SHTN1: variants seen among roughly 807,000 people sequenced by gnomAD.
SHTN1 encodes shootin-1.
In SHTN1, 42 loss-of-function variants were observed where a neutral mutation model predicts 83.1. The observed-to-expected ratio is 0.51, with a 90% CI of 0.39 to 0.65. SHTN1 has a LOEUF of 0.65. Ranked by LOEUF, SHTN1 falls within the 30% of genes least tolerant of loss-of-function variation. The pLI, the probability that SHTN1 is intolerant of heterozygous loss-of-function variation, is 0.00. For missense variants in SHTN1, 622 were observed against 737.8 expected (o/e 0.84, Z 1.82); for synonymous variants, 224 against 247.7 (o/e 0.90, Z 0.90).
At chr10:117,112,364 C>T (rs953569140) in intron 1 of SHTN1, among the ~76,000 whole-genome samples, 2 of 152,202 alleles carry the variant, frequency 1.3e-5, no homozygotes, top group Admixed American at 6.5e-5. Flanking sequence ...ATTTATGCAT[C>T]TTTTCCTACA....
At chr10:117,114,443 T>G (rs1853814383) in intron 1 of SHTN1, among the ~76,000 whole-genome samples, 1 of 152,132 alleles carries the variant, frequency 6.6e-6, no homozygotes, top group Non-Finnish European at 1.5e-5. Context: ...AGATAAAATA[T>G]GCAAGGGACA....
At chr10:116,900,617 A>G in intron 16 of SHTN1, 1 of 1,526,452 alleles carries the variant, frequency 6.6e-7, no homozygotes, top group Non-Finnish European at 8.8e-7. Context: ...GTCTCAGCCA[A>G]ATTGCTTTTG....
At chr10:116,994,541 G>GA (rs1043311569) in intron 1 of SHTN1, among the ~76,000 whole-genome samples, 1 of 151,834 alleles carries the variant, frequency 6.6e-6, no homozygotes, top group African/African-American at 2.4e-5. Flanking sequence ...AGGGGAAGGG[G>GA]AGATTCTGTG....
intron 2 of SHTN1, among the ~76,000 whole-genome samples, chr10:116,977,275 C>G (rs1037305245): frequency 3.9e-5 from 6 of 152,152 alleles, no homozygotes; most frequent in African/African-American, 1.4e-4. Context: ...CCTTCTTTCT[C>G]TATTATATGA....
At position 116,886,467 on chromosome 10, in the gene SHTN1, T is replaced by A; in HGVS notation, c.1773A>T (p.Gln591His). 1 of 1,614,046 alleles carries A rather than the reference T, an allele frequency of 6.2e-7. No homozygotes were observed. Among genetic ancestry groups the A allele is most frequent in the South Asian group, 1.1e-5 (1 of 91,056 alleles). Residue 591 changes from glutamine (Q) to histidine (H), a missense_variant, in exon 17 of 17, where the codon CAA becomes CAT. This residue lies in a region of SHTN1 where 231 missense variants were observed against 251.6 expected (regional missense o/e 0.92). Coordinates refer to ENST00000355371, the MANE Select transcript of SHTN1 (RefSeq NM_001127211.3). ...VLDPVSTHEP[Q>H]TKDQVAEKDP... ...CTTTTTCAGCAACCTGGTCTTTGGT[T>A]TGGGGTTCATGTGTAGAAACAGGAT...
At chr10:116,962,488 G>C (rs1850217175) in intron 3 of SHTN1, among the ~76,000 whole-genome samples, 2 of 151,928 alleles carry the variant, frequency 1.3e-5, no homozygotes, top group South Asian at 4.1e-4. Flanking sequence ...CCACAATCTG[G>C]TATTTCCACT....
chr10:116,895,086 C>T (rs1847470089), intron 16 of SHTN1, among the ~76,000 whole-genome samples: 1 of 152,104 alleles, frequency 6.6e-6, no homozygotes, highest in Non-Finnish European at 1.5e-5. Context: ...AAAGTGGATA[C>T]AATAATAAAA....
In SHTN1 at chr10:117,053,019, C is replaced by CAAAAAAAA. The variant is rs57069034; in HGVS notation, c.-188-4517_-188-4510dup. Among the ~76,000 whole-genome samples, 25 of 11,480 alleles carry CAAAAAAAA rather than the reference C, an allele frequency of 2.2e-3. 6 individuals carry two copies. The highest frequency in any genetic ancestry group is 3.7e-3 in the Non-Finnish European group (6 of 1,642). The allele number at this position is 11,480 out of a possible 152,430, so 7.5% of individuals were successfully genotyped here. A position where few individuals can be genotyped will look rare whatever the true frequency, so the allele number is the denominator to read the frequency against. On this transcript the variant is annotated intron_variant, in intron 1 of 17. Transcript: ENST00000392901. ...TGGGCAACAGAGCAAGACTGTGTCT[C>CAAAAAAAA]AAAAAAAAAAAGAATTAAGAATTAA...
intron 15 of SHTN1, among the ~76,000 whole-genome samples, chr10:116,906,322 C>T (rs543295163): frequency 6.6e-6 from 1 of 152,312 alleles, no homozygotes; most frequent in South Asian, 2.1e-4. Flanking sequence ...AGAGCCTGTA[C>T]TTGATGCTAT....
In SHTN1 at chr10:116,952,920, A is replaced by T. The variant is rs144342566; in HGVS notation, c.437-914T>A. Among the ~76,000 whole-genome samples, 568 of 152,328 alleles carry T rather than the reference A, an allele frequency of 3.7e-3. 4 individuals carry two copies. Among genetic ancestry groups the T allele is most frequent in the African/African-American group, 0.013 (538 of 41,580 alleles). On this transcript the variant is annotated intron_variant, in intron 5 of 16. Transcript: ENST00000355371. ...TTTCTCCATTTGCTGGCTAATCCAG[A>T]AAGAAGAACATGAAACCATATTGTT... is the stretch of plus-strand genomic sequence containing the variant.
intron 3 of SHTN1, 162 bp from the exon 4 acceptor site, chr10:116,960,392 T>C (rs1850143271): frequency 4.0e-6 from 2 of 495,022 alleles, no homozygotes; most frequent in East Asian, 5.9e-5. Flanking sequence ...TGATTAAATC[T>C]GAGCTAATAT....
At position 116,927,821 on chromosome 10, in the gene SHTN1, T is replaced by A; in HGVS notation, c.1083A>T (p.Pro361=). The A allele has an allele frequency of 1.3e-6, 2 of 1,599,156 alleles. No individual in the cohort carries two copies. Among genetic ancestry groups the A allele is most frequent in the Non-Finnish European group, 1.7e-6 (2 of 1,172,928 alleles). ...TAGGATTGGGAGGTGGAGGGGGAAG[T>A]GGTGGTGGAGGAGGAGGTGGTGGAG... ...SVPPPPPPPP[P]LPPPPPNPIR... The change falls in exon 11 of 17, where the codon CCA becomes CCT. Residue 361 remains proline (P), a synonymous_variant. Transcript: ENST00000355371.
intron 1 of SHTN1, among the ~76,000 whole-genome samples, chr10:116,993,972 G>A (rs1226633074): frequency 1.3e-5 from 2 of 152,080 alleles, no homozygotes; most frequent in African/African-American, 4.8e-5. Flanking sequence ...AGATATCTGA[G>A]TCTGTTAGCA....
intron 1 of SHTN1, among the ~76,000 whole-genome samples, chr10:116,994,906 A>G (rs1450269976): frequency 2.6e-5 from 4 of 152,186 alleles, no homozygotes; most frequent in East Asian, 1.9e-4. Context: ...GCTAAATTAT[A>G]TAAGAAACAT....
chr10:116,914,359 C>G (rs1848305145), intron 13 of SHTN1, among the ~76,000 whole-genome samples: 1 of 152,010 alleles, frequency 6.6e-6, no homozygotes, highest in South Asian at 2.1e-4. Flanking sequence ...GTAGTTCCAG[C>G]TACTTGGGAG....
intron 1 of SHTN1, among the ~76,000 whole-genome samples, chr10:116,983,692 ATAC>A (rs1564913752): frequency 0.16 from 2,716 of 17,216 alleles, 24 homozygotes; most frequent in East Asian, 0.34. Flanking sequence ...AGATAAATAC[ATAC>A]ATACATACAT....
intron 2 of SHTN1, among the ~76,000 whole-genome samples, chr10:116,974,510 T>TGC (rs1186368423): frequency 1.3e-5 from 2 of 152,224 alleles, no homozygotes; most frequent in African/African-American, 4.8e-5. Flanking sequence ...TCATATATCC[T>TGC]GCTTCTTGAA....
Position 117,005,176 on chromosome 10 carries a change from C to A in SHTN1, c.-97G>T. 1.3e-6 allele frequency: 2 copies of A among 1,540,790 alleles called. No homozygotes were observed. The highest frequency in any genetic ancestry group is 2.4e-5 in the South Asian group (2 of 83,590). On this transcript the variant is annotated 5_prime_UTR_variant, in exon 1 of 17. Transcript: ENST00000355371. The stretch of plus-strand genomic sequence containing the variant: ...AAAGCAAGATGCCGGTGGCTTGCGG[C>A]TCCACTACCCGGAAGTTGGATCCGC...
chr10:117,101,312 G>C (rs550306217), intron 1 of SHTN1, among the ~76,000 whole-genome samples: 2 of 152,202 alleles, frequency 1.3e-5, no homozygotes, highest in East Asian at 3.9e-4. Context: ...CAGCTACATG[G>C]ACCAATAATC....
Sources: allele counts gnomAD v4.1 joint callset (sites outside exome capture counted in the v4.1 genomes callset), GRCh38; gene constraint gnomAD v4.1.1; regional missense constraint gnomAD v4.1.1; transcripts MANE v1.5; gene names NCBI Gene and HGNC (gene_info 2026-07-23, HGNC 2026-07-21).